The following DNAI2 variants were observed in gnomAD, a reference collection of about 807,000 sequenced individuals.
The protein encoded by DNAI2 is dynein, axonemal, intermediate polypeptide 2.
DNAI2 carries 63 observed loss-of-function variants against 74.7 expected under a neutral mutation model. That is an observed-to-expected ratio of 0.84 (90% CI 0.69 to 1.04). The LOEUF (loss-of-function observed/expected upper bound fraction) is 1.04. Among genes scored for constraint, DNAI2 ranks in the 50% least tolerant of loss-of-function variants. The pLI is 0.00. For missense variants in DNAI2, 688 were observed against 803.2 expected (o/e 0.86, Z 1.73); for synonymous variants, 289 against 314.9 (o/e 0.92, Z 0.87).
At chr17:74,289,779 C>T in intron 5 of DNAI2, 43 bp downstream of exon 5, 1 of 1,612,614 alleles carries the variant, frequency 6.2e-7, no homozygotes, top group Non-Finnish European at 8.5e-7. Context: ...GGGCTGAGGG[C>T]TGGGACCAGC....
intron 6 of DNAI2, among the ~76,000 whole-genome samples, chr17:74,298,499 G>A (rs1410134264): frequency 6.6e-6 from 1 of 151,870 alleles, no homozygotes; most frequent in Non-Finnish European, 1.5e-5. Context: ...TAAAGATGGG[G>A]TTTCATCATG....
At chr17:74,289,902 G>A (rs1383975545) in intron 5 of DNAI2, among the ~76,000 whole-genome samples, 166 bp downstream of exon 5, 1 of 152,158 alleles carries the variant, frequency 6.6e-6, no homozygotes, top group Non-Finnish European at 1.5e-5. Flanking sequence ...TTCCTCTCTT[G>A]TCTGGTTTCA....
chr17:74,299,830 G>A lies in DNAI2; in HGVS notation c.837G>A (p.Glu279=), dbSNP rs772574421. The A allele has an allele frequency of 2.5e-6, 4 of 1,613,600 alleles. No homozygotes were observed. The Admixed American group carries it at 5.0e-5, about 20-fold the overall frequency. ...GGCTGCAGTCGAAGACGGGCACCGA[G>A]TGCTTCTCAGCTTCCACGGATGGGC... ...TIWLQSKTGT[E]CFSASTDGQV... Residue 279 remains glutamate (E), a synonymous_variant, in exon 7 of 14, where the codon GAG becomes GAA. Transcript: ENST00000311014.
chr17:74,312,081 G>A lies in DNAI2; in HGVS notation c.1573G>A (p.Ala525Thr). Residue 525 changes from alanine to threonine, a missense_variant, in exon 12 of 14, where the codon GCG (alanine) becomes ACG (threonine). Transcript: ENST00000311014. ...GATGCGGCTGAAGGAGAAGGGTAAG[G>A]CGGAGGGCAGGGATGAGGAGCAGAC... ...REMRLKEKGK[A>T]EGRDEEQTDE... 3 of 1,613,220 alleles carry A rather than the reference G, an allele frequency of 1.9e-6. No homozygotes were observed. The highest frequency in any genetic ancestry group is 2.5e-6 in the Non-Finnish European group (3 of 1,179,892).
intron 8 of DNAI2, among the ~76,000 whole-genome samples, chr17:74,303,786 G>T (rs530495841): frequency 4.6e-5 from 7 of 152,036 alleles, no homozygotes; most frequent in Admixed American, 3.9e-4. Flanking sequence ...TCTGGTAGAA[G>T]AAAACTGCAT....
At position 74,314,224 on chromosome 17, in the gene DNAI2, C is replaced by A. The variant is rs765895624; in HGVS notation, c.*8C>A. ...GAAGAAGACTTAGCCTAGAAGTCAG[C>A]CTTCGACTGCGGCGCTATCCCTGTG... On this transcript the variant is annotated 3_prime_UTR_variant, in exon 13 of 14. Coordinates refer to ENST00000311014, the MANE Select transcript of DNAI2 (RefSeq NM_023036.6). The A allele has an allele frequency of 8.1e-6, 13 of 1,614,004 alleles. No homozygotes were observed. The South Asian group carries it at 1.2e-4, about 15-fold the overall frequency.
At chr17:74,274,952 A>G (rs1271872679) in intron 1 of DNAI2, among the ~76,000 whole-genome samples, 4 of 152,208 alleles carry the variant, frequency 2.6e-5, no homozygotes. Flanking sequence ...CTTGAACCAC[A>G]GAAGTGCGTC....
At chr17:74,290,918 T>G (rs375109564) in intron 5 of DNAI2, 102 bp from the exon 6 acceptor site, 10 of 996,936 alleles carry the variant, frequency 1.0e-5, no homozygotes, top group Non-Finnish European at 1.6e-5. Flanking sequence ...CTTCCCCCTC[T>G]GCCACCATGC....
At chr17:74,299,949 T>G (rs567437449) in intron 7 of DNAI2, 92 bp downstream of exon 7, 37 of 1,548,624 alleles carry the variant, frequency 2.4e-5, no homozygotes, top group African/African-American at 6.8e-5. Flanking sequence ...GACATTTCCT[T>G]TAACACATTT....
chr17:74,285,338 C>A (rs1452563022), intron 3 of DNAI2, 137 bp downstream of exon 3: 8 of 1,111,322 alleles, frequency 7.2e-6, no homozygotes, highest in Non-Finnish European at 1.1e-5. Context: ...CAGCTGCTAC[C>A]TCAAGGAGCC....
rs368190304 is a variant in DNAI2 at position 74,300,002 on chromosome 17, G to A, written c.864+145G>A. 31 of 1,271,830 alleles carry A rather than the reference G, an allele frequency of 2.4e-5. 2 individuals are homozygous for A. Among genetic ancestry groups the A allele is most frequent in the East Asian group, 1.5e-4 (6 of 38,988 alleles). The allele number at this position is 1,271,830 out of a possible 1,614,324, so 78.8% of individuals were successfully genotyped here. A position where few individuals can be genotyped will look rare whatever the true frequency, so the allele number is the denominator to read the frequency against. On this transcript the variant is annotated intron_variant, in intron 7 of 13. Transcript: ENST00000311014. The surrounding 1 kb of genome is among the most constrained non-coding windows in gnomAD (Gnocchi z 4.5). ...TCACTCTTGTTGCCCAGGCTGGAGT[G>A]CAATGGCACGATCTTGGTTCACTGC...
chr17:74,313,838 G>A (rs564317490), intron 12 of DNAI2: 42 of 460,020 alleles, frequency 9.1e-5, no homozygotes, highest in Admixed American at 5.4e-4. Flanking sequence ...TATGGGTGAG[G>A]GGGCCAAGGA....
chr17:74,295,976 G>T (rs1197621813), intron 6 of DNAI2, among the ~76,000 whole-genome samples: 1 of 152,156 alleles, frequency 6.6e-6, no homozygotes, highest in African/African-American at 2.4e-5. Flanking sequence ...TGTCAACTCT[G>T]CCTTAGTGTC....
In DNAI2 at chr17:74,283,445, CT is replaced by C. The variant is rs1164556554; in HGVS notation, c.183+1456del. 8.4e-4 allele frequency among the ~76,000 whole-genome samples: 122 copies of C among 144,838 alleles called. 1 individual carries two copies. The highest frequency in any genetic ancestry group is 7.5e-3 in the Middle Eastern group (2 of 266). ...AACATAGTGAGACTTCATTTCTACA[CT>C]TTTTTTTTTTAATTACCCAGTTGTG... On this transcript the variant is annotated intron_variant, in intron 2 of 13. Transcript: ENST00000311014.
intron 1 of DNAI2, among the ~76,000 whole-genome samples, chr17:74,278,704 G>C (rs2051224559): frequency 1.3e-5 from 2 of 152,052 alleles, no homozygotes; most frequent in South Asian, 4.2e-4. Context: ...TTGAACGCAG[G>C]AGGCGGAGGT....
At chr17:74,297,922 C>T (rs2052544398) in intron 6 of DNAI2, among the ~76,000 whole-genome samples, 1 of 152,212 alleles carries the variant, frequency 6.6e-6, no homozygotes, top group Non-Finnish European at 1.5e-5. Context: ...GGCTGAGAAA[C>T]TCCTCCTCTG....
intron 9 of DNAI2, among the ~76,000 whole-genome samples, chr17:74,308,782 A>G (rs12944104): frequency 0.58 from 88,259 of 151,836 alleles, 26,921 homozygotes; most frequent in Non-Finnish European, 0.7. Context: ...TTGGCCTCCC[A>G]AAGTGCTGGG....
At position 74,301,031 on chromosome 17, in the gene DNAI2, C is replaced by G. The variant is rs201457679; in HGVS notation, c.865-15C>G. Reference sequence around the variant, plus strand: ...CAGGGCCTCGAAGTCTCACTGTCGCCCCTCCTCCCACCAGGTCATGTGGTG... The same window carrying G: ...CAGGGCCTCGAAGTCTCACTGTCGCGCCTCCTCCCACCAGGTCATGTGGTG... On this transcript the variant is annotated splice_polypyrimidine_tract_variant and intron_variant, in intron 7 of 13. Coordinates refer to ENST00000311014, the MANE Select transcript of DNAI2 (RefSeq NM_023036.6). The G allele has an allele frequency of 4.2e-5, 68 of 1,613,580 alleles. No individual in the cohort carries two copies. The African/African-American group carries it at 7.6e-4, about 18-fold the overall frequency.
Position 74,300,489 on chromosome 17 carries a change from C to T in DNAI2, c.865-557C>T, listed in dbSNP as rs547212542. Reference sequence around the variant, plus strand: ...TACTCGATGTTTTCCATTGTGTGTACCTTGGAGATAGTTTCATATTTCATA... The same window carrying T: ...TACTCGATGTTTTCCATTGTGTGTATCTTGGAGATAGTTTCATATTTCATA... On this transcript the variant is annotated intron_variant, in intron 7 of 13. Coordinates refer to ENST00000311014, the MANE Select transcript of DNAI2 (RefSeq NM_023036.6). This position sits in a 1 kb window ranked among gnomAD's most constrained non-coding sequence, Gnocchi z 4.5. 2.0e-5 allele frequency among the ~76,000 whole-genome samples: 3 copies of T among 152,252 alleles called. No individual in the cohort carries two copies. The highest frequency in any genetic ancestry group is 7.2e-5 in the African/African-American group (3 of 41,540).
Sources: allele counts gnomAD v4.1 joint callset (sites outside exome capture counted in the v4.1 genomes callset), GRCh38; gene constraint gnomAD v4.1.1; non-coding constraint Gnocchi (gnomAD v3.1); transcripts MANE v1.5; gene names NCBI Gene and HGNC (gene_info 2026-07-23, HGNC 2026-07-21).